The following ABCA9 variants were observed in gnomAD, a reference collection of about 807,000 sequenced individuals.
ABCA9 encodes the protein ATP binding cassette subfamily A member 9, also known as ATP-binding cassette sub-family A member 9.
In ABCA9, 183 loss-of-function variants were observed where a neutral mutation model predicts 205.3. That is an observed-to-expected ratio of 0.89 (90% CI 0.79 to 1.01). The LOEUF is 1.01. Ranked by LOEUF, ABCA9 falls within the 50% of genes least tolerant of loss-of-function variation. The pLI is 0.00. For synonymous variants in ABCA9, 651 were observed against 683.3 expected (o/e 0.95, Z 0.74); for missense variants, 1,805 against 1,912.4 (o/e 0.94, Z 1.05).
chr17:69,058,405 T>C (rs1229302766), intron 1 of ABCA9, among the ~76,000 whole-genome samples: 2 of 152,078 alleles, frequency 1.3e-5, no homozygotes, highest in African/African-American at 2.4e-5. Flanking sequence ...ACAGCTCAAG[T>C]GGGAAGACGA....
intron 23 of ABCA9, among the ~76,000 whole-genome samples, chr17:69,010,502 A>C (rs2070333097): frequency 6.6e-6 from 1 of 152,062 alleles, no homozygotes; most frequent in Non-Finnish European, 1.5e-5. Flanking sequence ...ACAAGAGACA[A>C]ATGAGGGAGG....
At chr17:68,983,302 T>C (rs2069123092) in intron 36 of ABCA9, among the ~76,000 whole-genome samples, 1 of 152,166 alleles carries the variant, frequency 6.6e-6, no homozygotes, top group African/African-American at 2.4e-5. Flanking sequence ...TCAGTTGATT[T>C]CACTGATAAT....
intron 25 of ABCA9, among the ~76,000 whole-genome samples, chr17:69,006,405 GAATA>G (rs2070128670): frequency 6.6e-6 from 1 of 152,084 alleles, no homozygotes; most frequent in South Asian, 2.1e-4. Flanking sequence ...CATCAACAAT[GAATA>G]AATAAATTAT....
intron 25 of ABCA9, among the ~76,000 whole-genome samples, chr17:69,001,753 C>G (rs1229406685): frequency 6.7e-6 from 1 of 150,094 alleles, no homozygotes; most frequent in African/African-American, 2.4e-5. Flanking sequence ...GTCCTGGACT[C>G]TTTTTGGTTG....
At chr17:69,073,999 G>T in the ABCA9 span, among the ~76,000 whole-genome samples, 1 of 152,032 alleles carries the variant, frequency 6.6e-6, no homozygotes, top group Non-Finnish European at 1.5e-5. Context: ...ATCATGCCTG[G>T]CCTCTTTTCT....
the ABCA9 span, among the ~76,000 whole-genome samples, chr17:69,073,403 C>T: frequency 6.6e-6 from 1 of 152,328 alleles, no homozygotes; most frequent in East Asian, 1.9e-4. Flanking sequence ...CAAACAGTCT[C>T]TCAGAAGACA....
chr17:69,039,986 C>A lies in ABCA9; in HGVS notation c.800+3503G>T, dbSNP rs2071480077. On this transcript the variant is annotated intron_variant, in intron 6 of 38. Transcript: ENST00000340001. ...ATCATCACTAGTCATTAGAGAAATACAAATCAAAACCACAATGAGATACCA... is the reference window on the plus strand; with the variant it reads ...ATCATCACTAGTCATTAGAGAAATAAAAATCAAAACCACAATGAGATACCA... Among the ~76,000 whole-genome samples the A allele has an allele frequency of 2.6e-5, 4 of 152,214 alleles. No homozygotes were observed. The South Asian group carries it at 6.2e-4, about 24-fold the overall frequency.
At chr17:69,011,809 A>AAGAT (rs930179117) in intron 23 of ABCA9, 167 bp downstream of exon 23, 1 of 485,660 alleles carries the variant, frequency 2.1e-6, no homozygotes, top group Non-Finnish European at 3.6e-6. Context: ...TTGTTTCAGA[A>AAGAT]AGATAGCATT....
chr17:69,052,560 A>C (rs1283032757), intron 1 of ABCA9, among the ~76,000 whole-genome samples: 4 of 152,176 alleles, frequency 2.6e-5, no homozygotes, highest in African/African-American at 9.7e-5. Context: ...ATATGTAACG[A>C]GGGAGAAAAA....
At chr17:69,072,489 C>A in the ABCA9 span, among the ~76,000 whole-genome samples, 3 of 152,026 alleles carry the variant, frequency 2.0e-5, no homozygotes, top group Non-Finnish European at 4.4e-5. Flanking sequence ...TCATATCCAG[C>A]CAAAATGAAT....
At chr17:69,062,035 T>G (rs966065324), upstream of ABCA9, among the ~76,000 whole-genome samples, 4 of 152,162 alleles carry the variant, frequency 2.6e-5, no homozygotes, top group Non-Finnish European at 5.9e-5. Context: ...CAATATTGAT[T>G]CAATTATATT....
intron 6 of ABCA9, among the ~76,000 whole-genome samples, chr17:69,038,466 C>T (rs1161739639): frequency 1.3e-5 from 2 of 152,086 alleles, no homozygotes; most frequent in East Asian, 1.9e-4. Context: ...GTCACAAAAA[C>T]CACATGATTA....
rs751113808 is a variant in ABCA9, at chr17:68,985,020, C to A, written c.4284+33G>T. The A allele has an allele frequency of 3.7e-6, 6 of 1,614,100 alleles. No homozygotes were observed. In the Admixed American group the frequency reaches 6.7e-5, roughly 18 times the overall value. ...CAGCCCCTCTGGTTCCCATCTACGG[C>A]ACTTGCAGAGCAACAACAAGCCCTG... On this transcript the variant is annotated intron_variant, in intron 33 of 38. Transcript: ENST00000340001.
chr17:69,001,147 T>TAACA (rs1356187656), intron 25 of ABCA9, among the ~76,000 whole-genome samples: 2 of 150,290 alleles, frequency 1.3e-5, no homozygotes, highest in Non-Finnish European at 3.0e-5. Context: ...CCAGAACGTC[T>TAACA]AACACTATGT....
chr17:69,076,687 G>A, the ABCA9 span, among the ~76,000 whole-genome samples: 1 of 152,054 alleles, frequency 6.6e-6, no homozygotes, highest in South Asian at 2.1e-4. Flanking sequence ...TTCAATTCTG[G>A]AACTTGGTAT....
At chr17:69,035,607 C>T in intron 7 of ABCA9, 53 bp downstream of exon 7, 2 of 1,591,076 alleles carry the variant, frequency 1.3e-6, no homozygotes, top group Non-Finnish European at 1.7e-6. Flanking sequence ...AAATTATTGG[C>T]AGTAGAGAGA....
Position 69,016,339 on chromosome 17 carries a change from C to G in ABCA9, c.2953G>C (p.Val985Leu), listed in dbSNP as rs376630597. ...CNTKRLNCFP[V>L]LLDVISNGLL... ...CCATTGCTAATGACATCCAGGAGGA[C>G]AGGAAAGCAATTCAGCCGTTTTGTA... The change falls in exon 22 of 39, where the codon GTC (valine) becomes CTC (leucine). Residue 985 changes from valine to leucine, a missense_variant. By Grantham distance (32) the Val-to-Leu change is conservative. Transcript: ENST00000340001. 2 of 1,602,516 alleles carry G rather than the reference C, an allele frequency of 1.2e-6. No homozygotes were observed. Among genetic ancestry groups the G allele is most frequent in the Non-Finnish European group, 1.7e-6 (2 of 1,175,688 alleles).
intron 3 of ABCA9, among the ~76,000 whole-genome samples, chr17:69,046,055 G>C (rs185605119): frequency 1.9e-4 from 29 of 152,112 alleles, no homozygotes; most frequent in African/African-American, 6.5e-4. Flanking sequence ...TATTGATATT[G>C]GAAATACCAA....
chr17:68,987,771 TTTG>T (rs1567916963), intron 31 of ABCA9, among the ~76,000 whole-genome samples: 1 of 133,922 alleles, frequency 7.5e-6, no homozygotes, highest in Non-Finnish European at 1.7e-5. Context: ...TGTTTGTTTT[TTTG>T]TTTGAGATGG....
Sources: gnomAD v4.1 joint callset for allele counts (sites outside exome capture counted in the v4.1 genomes callset) on GRCh38, gnomAD v4.1.1 for gene constraint, MANE v1.5 for transcripts, NCBI Gene and HGNC (gene_info 2026-07-23, HGNC 2026-07-21) for gene names.